ZNF430: variants seen among roughly 807,000 people sequenced by gnomAD.
ZNF430 encodes zinc finger protein 430.
Under a neutral mutation model 56.7 loss-of-function variants are expected in ZNF430, and 35 were observed. That is an observed-to-expected ratio of 0.62 (90% CI 0.47 to 0.82). The LOEUF is 0.82. ZNF430 is among the 40% of genes least tolerant of loss of function. The pLI is 0.00. For missense variants in ZNF430, 574 were observed against 661.0 expected, an observed-to-expected ratio of 0.87 and a Z score of 1.44; for synonymous variants, 212 against 224.3, an observed-to-expected ratio of 0.94 and a Z score of 0.49.
chr19:21,031,301 A>G (rs1427267952), intron 2 of ZNF430, among the ~76,000 whole-genome samples: 1 of 150,370 alleles, frequency 6.7e-6, no homozygotes, highest in Non-Finnish European at 1.5e-5. Context: ...GAAGTGCCTC[A>G]TGTGACTCTA....
chr19:21,052,080 A>G (rs922412206), intron 4 of ZNF430, among the ~76,000 whole-genome samples: 2 of 152,178 alleles, frequency 1.3e-5, no homozygotes, highest in Non-Finnish European at 2.9e-5. Context: ...GAACAGGAGC[A>G]TGCTGGAGAA....
intron 4 of ZNF430, among the ~76,000 whole-genome samples, chr19:21,042,510 G>A (rs76003559): frequency 0.059 from 8,994 of 152,064 alleles, 658 homozygotes; most frequent in African/African-American, 0.18. Context: ...ATTCTTGGCC[G>A]GGCACGGTGG....
intron 2 of ZNF430, among the ~76,000 whole-genome samples, chr19:21,032,650 C>T (rs1446220952): frequency 1.3e-5 from 2 of 151,908 alleles, no homozygotes; most frequent in African/African-American, 2.4e-5. Flanking sequence ...TTGCTTGAAC[C>T]CAGGAGGCGG....
Position 21,020,795 on chromosome 19 carries a change from C to T in ZNF430, c.-6C>T. The T allele has an allele frequency of 6.2e-7, 1 of 1,613,886 alleles. No individual in the cohort carries two copies. The highest frequency in any genetic ancestry group is 8.5e-7 in the Non-Finnish European group (1 of 1,179,860). ...TAAGACGCCAGGAACCCCTGGAAGC[C>T]TAGAAATGGTGAGAGTGCCGGGTCC... is the stretch of plus-strand genomic sequence containing the variant. On this transcript the variant is annotated 5_prime_UTR_variant, in exon 1 of 5. Coordinates refer to ENST00000261560, the MANE Select transcript of ZNF430 (RefSeq NM_025189.4).
chr19:21,048,821 C>A lies in ZNF430; in HGVS notation c.323-7810C>A, dbSNP rs990918484. Among the ~76,000 whole-genome samples the A allele has an allele frequency of 2.0e-5, 3 of 152,008 alleles. No individual in the cohort carries two copies. In the East Asian group the frequency reaches 5.8e-4, roughly 29 times the overall value. The stretch of plus-strand genomic sequence containing the variant: ...CTGGCCGGGCGGGTGCTGGCCCCAA[C>A]CTCCCTCCTGGACGGGGTGGCTGGC... On this transcript the variant is annotated intron_variant, in intron 4 of 4. Transcript: ENST00000261560.
At chr19:21,031,841 AT>A (rs935929090) in intron 2 of ZNF430, among the ~76,000 whole-genome samples, 25 of 152,202 alleles carry the variant, frequency 1.6e-4, no homozygotes, top group African/African-American at 4.8e-4. Flanking sequence ...TTACTTCTCG[AT>A]TTGTGTTTTT....
chr19:21,039,676 G>C (rs1304709373), intron 4 of ZNF430, among the ~76,000 whole-genome samples: 1 of 151,908 alleles, frequency 6.6e-6, no homozygotes, highest in Admixed American at 6.6e-5. Context: ...ATGTTGGCCA[G>C]GTTGGTCTTG....
chr19:21,029,274 A>G (rs1314190465), intron 2 of ZNF430, among the ~76,000 whole-genome samples: 15 of 152,162 alleles, frequency 9.9e-5, no homozygotes, highest in Admixed American at 9.8e-4. Flanking sequence ...CCACTGTTTT[A>G]TATTGTTACT....
chr19:21,040,249 C>T (rs901483515), intron 4 of ZNF430, among the ~76,000 whole-genome samples: 1 of 152,108 alleles, frequency 6.6e-6, no homozygotes, highest in Admixed American at 6.6e-5. Context: ...TGCTGTTAAG[C>T]CTATTTGGTC....
chr19:21,050,541 A>G (rs912315199), intron 4 of ZNF430, among the ~76,000 whole-genome samples: 1 of 152,102 alleles, frequency 6.6e-6, no homozygotes, highest in Non-Finnish European at 1.5e-5. Context: ...TGGTTGTTCA[A>G]TCTTGTCTAG....
chr19:21,049,996 C>CTCACTGTAAG lies in ZNF430; in HGVS notation c.323-6635_323-6634insTCACTGTAAG, dbSNP rs35700556. Among the ~76,000 whole-genome samples, 6 of 31,736 alleles carry CTCACTGTAAG rather than the reference C, an allele frequency of 1.9e-4. No individual in the cohort carries two copies. The East Asian group carries it at 2.2e-3, about 12-fold the overall frequency. 20.8% of individuals were successfully genotyped at this position (31,736 alleles called of 152,430 possible). On this transcript the variant is annotated intron_variant, in intron 4 of 4. Coordinates refer to ENST00000261560, the MANE Select transcript of ZNF430 (RefSeq NM_025189.4). ...CTGGAGTGCGGTGGCTCGATCTCAG[C>CTCACTGTAAG]CTCAGCCTCCCGAGTAGCTGGGACC...
chr19:21,056,953 C>T lies in ZNF430; in HGVS notation c.645C>T (p.Cys215=), dbSNP rs1341144078. The change falls in exon 5 of 5, where the codon TGC becomes TGT. Residue 215 remains cysteine (C), a synonymous_variant. Transcript: ENST00000261560. ...GTAAAAAATGTGACAAATCGTTTTGCATGCTTTTACACCTAACTCAACATA... is the reference window on the plus strand; with the variant it reads ...GTAAAAAATGTGACAAATCGTTTTGTATGCTTTTACACCTAACTCAACATA... ...FKCKKCDKSF[C]MLLHLTQHKR... is the part of the protein sequence containing the mutation. 3.1e-6 allele frequency: 5 copies of T among 1,613,706 alleles called. No individual in the cohort carries two copies. The highest frequency in any genetic ancestry group is 1.3e-5 in the African/African-American group (1 of 75,020).
At chr19:21,043,893 T>C (rs1968147476) in intron 4 of ZNF430, among the ~76,000 whole-genome samples, 1 of 151,750 alleles carries the variant, frequency 6.6e-6, no homozygotes, top group Non-Finnish European at 1.5e-5. Flanking sequence ...GGCTCTCTGC[T>C]TGTTTACTGT....
intron 4 of ZNF430, among the ~76,000 whole-genome samples, chr19:21,050,864 C>T (rs1968272062): frequency 6.6e-6 from 1 of 151,976 alleles, no homozygotes; most frequent in Admixed American, 6.6e-5. Context: ...CCTGTCTCTA[C>T]TAAAAATACA....
intron 4 of ZNF430, among the ~76,000 whole-genome samples, chr19:21,044,739 A>G (rs1338463544): frequency 6.6e-6 from 1 of 152,132 alleles, no homozygotes; most frequent in Admixed American, 6.5e-5. Context: ...TAGGCTATTT[A>G]TTACTTCCTC....
chr19:21,034,210 G>A (rs1433797976), intron 4 of ZNF430, 26 bp downstream of exon 4: 11 of 1,450,574 alleles, frequency 7.6e-6, no homozygotes, highest in South Asian at 1.3e-5. Context: ...CACAACAGAC[G>A]ACATGAATGA....
intron 2 of ZNF430, among the ~76,000 whole-genome samples, chr19:21,029,907 T>C (rs1041893004): frequency 2.0e-5 from 3 of 151,696 alleles, no homozygotes; most frequent in African/African-American, 4.8e-5. Context: ...GGAGGTTGCA[T>C]TGAGCCAAGA....
chr19:21,024,689 A>G (rs1158927934), intron 2 of ZNF430, among the ~76,000 whole-genome samples: 1 of 151,938 alleles, frequency 6.6e-6, no homozygotes, highest in Non-Finnish European at 1.5e-5. Context: ...CTGAGGCAGG[A>G]GAATGGCGTA....
At chr19:21,051,566 G>A (rs532943120) in intron 4 of ZNF430, among the ~76,000 whole-genome samples, 88 of 152,110 alleles carry the variant, frequency 5.8e-4, no homozygotes, top group African/African-American at 2.0e-3. Context: ...CGATCTCGGC[G>A]CACTGCAACC....
Sources: allele counts gnomAD v4.1 joint callset (sites outside exome capture counted in the v4.1 genomes callset), GRCh38; gene constraint gnomAD v4.1.1; transcripts MANE v1.5; gene names NCBI Gene and HGNC (gene_info 2026-07-23, HGNC 2026-07-21).